Variants in CPNE8 observed in about 807,000 individuals in gnomAD.
The protein encoded by CPNE8 is copine-8.
A neutral mutation model predicts 81.5 loss-of-function variants in CPNE8; 45 were observed. That is an observed-to-expected ratio of 0.55 (90% CI 0.44 to 0.71). CPNE8 has a LOEUF of 0.71. Among genes scored for constraint, CPNE8 ranks in the 30% least tolerant of loss-of-function variants. The pLI, the probability that CPNE8 is intolerant of heterozygous loss-of-function variation, is 0.00. For synonymous variants in CPNE8, 252 were observed against 226.3 expected (o/e 1.11, Z -1.02); for missense variants, 594 against 672.1 (o/e 0.88, Z 1.28).
At position 38,741,754 on chromosome 12, in the gene CPNE8, A is replaced by C. The variant is rs1452923100; in HGVS notation, c.723-11396T>G. On this transcript the variant is annotated intron_variant, in intron 10 of 19. Transcript: ENST00000331366. ...ACAGGCAACCTACAGAATGGGAGAA[A>C]ATTTTTGCAATCTTCTCATCTGACA... is the stretch of plus-strand genomic sequence containing the variant. Among the ~76,000 whole-genome samples the C allele has an allele frequency of 2.6e-5, 4 of 152,320 alleles. No individual in the cohort carries two copies. In the East Asian group the frequency reaches 7.7e-4, roughly 29 times the overall value.
chr12:38,769,950 G>C (rs1057474442), intron 7 of CPNE8, among the ~76,000 whole-genome samples: 1 of 152,106 alleles, frequency 6.6e-6, no homozygotes, highest in African/African-American at 2.4e-5. Flanking sequence ...ACTTAGCAGG[G>C]ATTAAATGGT....
chr12:38,713,625 A>G (rs897688834), intron 13 of CPNE8, among the ~76,000 whole-genome samples: 1 of 152,096 alleles, frequency 6.6e-6, no homozygotes, highest in South Asian at 2.1e-4. Flanking sequence ...AATTTGGGAG[A>G]AAAAAAGGGT....
chr12:38,814,506 A>G (rs1942992213), intron 6 of CPNE8, among the ~76,000 whole-genome samples: 1 of 151,850 alleles, frequency 6.6e-6, no homozygotes, highest in Non-Finnish European at 1.5e-5. Flanking sequence ...TATTTTTAAT[A>G]GAAACGGGGT....
At chr12:38,721,769 C>CT (rs1940570805) in intron 13 of CPNE8, among the ~76,000 whole-genome samples, 1 of 152,220 alleles carries the variant, frequency 6.6e-6, no homozygotes, top group Non-Finnish European at 1.5e-5. Flanking sequence ...CCTGCAGTGC[C>CT]TAGCATCTTC....
At chr12:38,844,344 C>T (rs991196983) in intron 4 of CPNE8, among the ~76,000 whole-genome samples, 3 of 152,134 alleles carry the variant, frequency 2.0e-5, no homozygotes, top group Non-Finnish European at 4.4e-5. Context: ...CATTTTGGTA[C>T]AGCTACTCTA....
intron 3 of CPNE8, among the ~76,000 whole-genome samples, chr12:38,863,194 T>G (rs1943867005): frequency 6.6e-6 from 1 of 152,220 alleles, no homozygotes. Flanking sequence ...ACGTGCGTAT[T>G]ACAAGCAGTG....
At chr12:38,730,587 T>C (rs1037283637) in intron 10 of CPNE8, among the ~76,000 whole-genome samples, 2 of 151,794 alleles carry the variant, frequency 1.3e-5, no homozygotes, top group South Asian at 4.1e-4. Flanking sequence ...GTTTAATTTA[T>C]TCCACCAATA....
chr12:38,675,219 T>C (rs1226665465), intron 18 of CPNE8, among the ~76,000 whole-genome samples: 1 of 152,210 alleles, frequency 6.6e-6, no homozygotes, highest in Non-Finnish European at 1.5e-5. Flanking sequence ...CACAACTTCT[T>C]TATTTATAAG....
At chr12:38,672,037 C>T (rs949936606) in intron 18 of CPNE8, among the ~76,000 whole-genome samples, 1 of 152,060 alleles carries the variant, frequency 6.6e-6, no homozygotes, top group African/African-American at 2.4e-5. Context: ...GTAAATAATA[C>T]TTTTTATATC....
chr12:38,859,733 TTAGAA>T (rs372738072), intron 3 of CPNE8, among the ~76,000 whole-genome samples: 1 of 152,098 alleles, frequency 6.6e-6, no homozygotes, highest in Non-Finnish European at 1.5e-5. Context: ...ACATGGATCA[TTAGAA>T]TAGAAGAGAA....
At chr12:38,900,213 T>G (rs1384965428) in intron 1 of CPNE8, among the ~76,000 whole-genome samples, 1 of 151,848 alleles carries the variant, frequency 6.6e-6, no homozygotes, top group Non-Finnish European at 1.5e-5. Context: ...GGGACTAGAG[T>G]TAGAGTCACT....
rs140512949 is a variant in CPNE8, at chr12:38,653,938, A to G, written c.1639T>C (p.Ser547Pro). Reference protein sequence around the residue: ...SYMRARGIKPSPAPPPYTPPT... With the variant: ...SYMRARGIKPPPAPPPYTPPT... Reference sequence around the variant, plus strand: ...GGGGTGTATGGGGGAGGCGCAGGTGATGGCTTGATTCCTCGGGCTCTCATA... The same window carrying G: ...GGGGTGTATGGGGGAGGCGCAGGTGGTGGCTTGATTCCTCGGGCTCTCATA... The change falls in exon 20 of 20, where the codon TCA (serine) becomes CCA (proline). Residue 547 changes from serine (S) to proline (P), a missense_variant. Physicochemically the swap from Ser to Pro is moderately conservative, Grantham distance 74. Transcript: ENST00000331366. 4.3e-6 allele frequency: 7 copies of G among 1,613,680 alleles called. No homozygotes were observed. The highest frequency in any genetic ancestry group is 1.7e-5 in the Admixed American group (1 of 59,990).
intron 1 of CPNE8, among the ~76,000 whole-genome samples, chr12:38,890,861 T>G (rs1198030370): frequency 3.3e-5 from 5 of 150,538 alleles, no homozygotes; most frequent in African/African-American, 1.2e-4. Flanking sequence ...ATGCCCAGAT[T>G]AAGCGAATTA....
chr12:38,902,403 G>GAAAGAAAGAAAGAA (rs910361426), intron 1 of CPNE8, among the ~76,000 whole-genome samples: 2 of 139,028 alleles, frequency 1.4e-5, no homozygotes, highest in South Asian at 4.4e-4. Context: ...GAGAAAGAAA[G>GAAAGAAAGAAAGAA]AAAGAAAGAA....
chr12:38,676,870 C>G (rs912944425), intron 17 of CPNE8, among the ~76,000 whole-genome samples: 1 of 152,162 alleles, frequency 6.6e-6, no homozygotes, highest in African/African-American at 2.4e-5. Context: ...ATTAATGCCA[C>G]TCATTCCTGC....
intron 19 of CPNE8, among the ~76,000 whole-genome samples, chr12:38,663,926 T>A (rs1939010925): frequency 6.6e-6 from 1 of 152,042 alleles, no homozygotes; most frequent in South Asian, 2.1e-4. Context: ...AAAAAGTTGA[T>A]CTCATAGAAA....
chr12:38,902,220 A>G (rs933651156), intron 1 of CPNE8, among the ~76,000 whole-genome samples: 1 of 142,514 alleles, frequency 7.0e-6, no homozygotes, highest in Admixed American at 6.9e-5. Context: ...AAAGAAAGAG[A>G]AAGAGAAAGA....
chr12:38,790,235 T>G (rs1942291010), intron 6 of CPNE8, among the ~76,000 whole-genome samples: 1 of 151,700 alleles, frequency 6.6e-6, no homozygotes, highest in Non-Finnish European at 1.5e-5. Context: ...GTGATACTGA[T>G]CATAATGGAG....
chr12:38,769,111 G>A (rs1372156709), intron 7 of CPNE8, among the ~76,000 whole-genome samples: 2 of 152,086 alleles, frequency 1.3e-5, no homozygotes, highest in Non-Finnish European at 2.9e-5. Context: ...CATTTAGCAA[G>A]CAATAGTCAA....
Sources: gnomAD v4.1 joint callset for allele counts (sites outside exome capture counted in the v4.1 genomes callset) on GRCh38, gnomAD v4.1.1 for gene constraint, MANE v1.5 for transcripts, NCBI Gene and HGNC (gene_info 2026-07-23, HGNC 2026-07-21) for gene names.